The following GABRB3 variants were observed in gnomAD, a reference collection of about 807,000 sequenced individuals.
The protein encoded by GABRB3 is gamma-aminobutyric acid receptor subunit beta-3.
Under a neutral mutation model 52.1 loss-of-function variants are expected in GABRB3, and 14 were observed. The observed-to-expected ratio is 0.27, with a 90% CI of 0.18 to 0.42. The LOEUF is 0.42. Ranked by LOEUF, GABRB3 falls within the 10% of genes least tolerant of loss-of-function variation. The pLI, the probability that GABRB3 is intolerant of heterozygous loss-of-function variation, is 1.00. For missense variants in GABRB3, 307 were observed against 609.1 expected (o/e 0.50, Z 5.22); for synonymous variants, 260 against 232.3 (o/e 1.12, Z -1.08).
chr15:26,746,064 C>T (rs28835384), intron 3 of GABRB3, among the ~76,000 whole-genome samples: 12,034 of 152,224 alleles, frequency 0.079, 1,129 homozygotes, highest in African/African-American at 0.23. Context: ...CTAATTTCCA[C>T]CAGCAACGTA....
chr15:26,662,479 A>G (rs1887581651), intron 3 of GABRB3, among the ~76,000 whole-genome samples: 1 of 152,166 alleles, frequency 6.6e-6, no homozygotes, highest in Non-Finnish European at 1.5e-5. Context: ...TTAAACCTGC[A>G]TCAGGAAACA....
At chr15:26,742,603 T>C (rs917325961) in intron 3 of GABRB3, among the ~76,000 whole-genome samples, 11 of 152,216 alleles carry the variant, frequency 7.2e-5, no homozygotes, top group East Asian at 3.9e-4. Flanking sequence ...CCATCTTTAT[T>C]ACCTGTCTAA....
At chr15:26,743,022 C>T (rs1555381354) in intron 3 of GABRB3, among the ~76,000 whole-genome samples, 2 of 151,114 alleles carry the variant, frequency 1.3e-5, no homozygotes, top group Non-Finnish European at 2.9e-5. Flanking sequence ...CTCCGCCTCC[C>T]GGGTTCAAGT....
intron 8 of GABRB3, among the ~76,000 whole-genome samples, chr15:26,558,948 CA>C (rs1490118270): frequency 6.6e-6 from 1 of 152,156 alleles, no homozygotes; most frequent in African/African-American, 2.4e-5. Flanking sequence ...ATGGTGCTGG[CA>C]CCTCTTGGCT....
chr15:26,612,858 A>G (rs1315100197), intron 4 of GABRB3: 6 of 152,268 alleles, frequency 3.9e-5, no homozygotes, highest in African/African-American at 1.4e-4. Context: ...TCATGCCTAT[A>G]ATCCCAGCAT....
At chr15:26,651,406 G>T (rs1887193431) in intron 3 of GABRB3, among the ~76,000 whole-genome samples, 1 of 152,226 alleles carries the variant, frequency 6.6e-6, no homozygotes, top group African/African-American at 2.4e-5. Flanking sequence ...TCATCCTTCT[G>T]CATTCAGCTA....
At chr15:26,623,015 C>A (rs913805212) in intron 3 of GABRB3, among the ~76,000 whole-genome samples, 68 of 152,088 alleles carry the variant, frequency 4.5e-4, no homozygotes, top group African/African-American at 1.6e-3. Context: ...TTCCCAGACA[C>A]TTTTGTGGGC....
intron 3 of GABRB3, among the ~76,000 whole-genome samples, chr15:26,751,039 G>T (rs564359933): frequency 7.2e-5 from 11 of 152,052 alleles, no homozygotes; most frequent in Non-Finnish European, 1.3e-4. Flanking sequence ...TCACACTTAA[G>T]AATAGTGAAA....
At chr15:26,691,020 C>T (rs1287910569) in intron 3 of GABRB3, among the ~76,000 whole-genome samples, 2 of 151,566 alleles carry the variant, frequency 1.3e-5, no homozygotes, top group Non-Finnish European at 2.9e-5. Context: ...TCCTCCTGTT[C>T]GCAATGCATC....
At chr15:26,631,139 C>G (rs1400582429) in intron 3 of GABRB3, among the ~76,000 whole-genome samples, 1 of 152,108 alleles carries the variant, frequency 6.6e-6, no homozygotes, top group Non-Finnish European at 1.5e-5. Flanking sequence ...GGAATATGAG[C>G]CACCCACAAG....
chr15:26,700,540 C>T (rs1455572747), intron 3 of GABRB3, among the ~76,000 whole-genome samples: 4 of 152,134 alleles, frequency 2.6e-5, no homozygotes, highest in African/African-American at 9.7e-5. Flanking sequence ...AGATCGGTAT[C>T]CCTCATGAAC....
intron 8 of GABRB3, among the ~76,000 whole-genome samples, chr15:26,553,740 T>C (rs970629513): frequency 6.6e-6 from 1 of 152,006 alleles, no homozygotes; most frequent in African/African-American, 2.4e-5. Context: ...CATGTCACCA[T>C]CTTGCCCTGT....
intron 8 of GABRB3, among the ~76,000 whole-genome samples, chr15:26,554,866 A>T (rs1340731169): frequency 2.0e-5 from 3 of 152,152 alleles, no homozygotes; most frequent in Non-Finnish European, 4.4e-5. Flanking sequence ...GATGCAGATA[A>T]GTGGTAGGCA....
chr15:26,707,806 G>A (rs552553385), intron 3 of GABRB3, among the ~76,000 whole-genome samples: 2 of 152,254 alleles, frequency 1.3e-5, no homozygotes, highest in South Asian at 2.1e-4. Context: ...TGGGGCAGAA[G>A]TTACATGAAA....
chr15:26,695,053 T>TG (rs1888694519), intron 3 of GABRB3, among the ~76,000 whole-genome samples: 1 of 151,984 alleles, frequency 6.6e-6, no homozygotes, highest in Non-Finnish European at 1.5e-5. Context: ...CCAAGAACCA[T>TG]GGGGCAATTA....
At chr15:26,558,702 AG>A (rs1211556291) in intron 8 of GABRB3, among the ~76,000 whole-genome samples, 1 of 152,188 alleles carries the variant, frequency 6.6e-6, no homozygotes, top group Non-Finnish European at 1.5e-5. Context: ...CAGGAGTTGG[AG>A]ACCAGCCTGG....
At chr15:26,682,285 C>G (rs2140649416) in intron 3 of GABRB3, among the ~76,000 whole-genome samples, 1 of 152,258 alleles carries the variant, frequency 6.6e-6, no homozygotes. Context: ...ATACCTTCCT[C>G]CCTCTCCCAC....
intron 3 of GABRB3, among the ~76,000 whole-genome samples, chr15:26,746,238 C>T (rs555236321): frequency 7.9e-5 from 12 of 151,392 alleles, no homozygotes; most frequent in Non-Finnish European, 1.8e-4. Context: ...TTTGCATGTG[C>T]TTATTGGCCA....
chr15:26,674,864 G>A (rs1687515453), intron 3 of GABRB3, among the ~76,000 whole-genome samples: 1 of 152,188 alleles, frequency 6.6e-6, no homozygotes, highest in African/African-American at 2.4e-5. Context: ...AGGATCAACA[G>A]GACACTCCTG....
Sources: gnomAD v4.1 joint callset for allele counts (sites outside exome capture counted in the v4.1 genomes callset) on GRCh38, gnomAD v4.1.1 for gene constraint, MANE v1.5 for transcripts, NCBI Gene and HGNC (gene_info 2026-07-23, HGNC 2026-07-21) for gene names.